The following CNTN5 variants were observed in gnomAD, a reference collection of about 807,000 sequenced individuals.
CNTN5 encodes contactin 5, also known as contactin-5.
Under a neutral mutation model 129.1 loss-of-function variants are expected in CNTN5, and 77 were observed. The ratio of observed to expected loss-of-function variants is 0.60; its 90% CI spans 0.50 to 0.72. CNTN5 has a LOEUF of 0.72. Among genes scored for constraint, CNTN5 ranks in the 30% least tolerant of loss-of-function variants. The pLI is 0.00. For synonymous variants in CNTN5, 509 were observed against 465.6 expected, an observed-to-expected ratio of 1.09 and a Z score of -1.20; for missense variants, 1,478 against 1,328.8, an observed-to-expected ratio of 1.11 and a Z score of -1.75.
intron 9 of CNTN5, among the ~76,000 whole-genome samples, chr11:100,010,226 C>T (rs568901196): frequency 6.6e-6 from 1 of 152,102 alleles, no homozygotes; most frequent in South Asian, 2.1e-4. Context: ...TTAAGTCCAG[C>T]CCATACAAGT....
rs78120035 is a variant in CNTN5, at chr11:100,249,726, C to A, written c.2006-6034C>A. Among the ~76,000 whole-genome samples the A allele has an allele frequency of 5.0e-3, 760 of 152,128 alleles. 8 individuals carry two copies. The highest frequency in any genetic ancestry group is 0.033 in the East Asian group (172 of 5,156). ...TAGCTGAAAAAGCCTTTTAGGAGAA[C>A]CTTTCCTCCCTGATTTATTTTAAAA... On this transcript the variant is annotated intron_variant, in intron 16 of 24. Transcript: ENST00000524871.
intron 1 of CNTN5, among the ~76,000 whole-genome samples, chr11:99,190,212 G>A (rs554621674): frequency 2.0e-5 from 3 of 151,678 alleles, no homozygotes; most frequent in South Asian, 4.2e-4. Flanking sequence ...ATAAACACAT[G>A]GATTTATTTC....
chr11:99,837,898 G>A (rs951520638), intron 4 of CNTN5, among the ~76,000 whole-genome samples: 1 of 151,902 alleles, frequency 6.6e-6, no homozygotes, highest in Admixed American at 6.6e-5. Context: ...CTTCATTTTT[G>A]TTAATTTCTC....
chr11:100,165,180 C>T (rs1334745661), intron 13 of CNTN5, among the ~76,000 whole-genome samples: 1 of 151,668 alleles, frequency 6.6e-6, no homozygotes, highest in East Asian at 1.9e-4. Flanking sequence ...ATAGGAGACT[C>T]AGATTCTCAT....
rs1395481943 is a variant in CNTN5, at chr11:99,033,102, G to A, written c.-210+11832G>A. Among the ~76,000 whole-genome samples, 260 of 139,270 alleles carry A rather than the reference G, an allele frequency of 1.9e-3. 1 individual carries two copies. The highest frequency in any genetic ancestry group is 4.3e-3 in the East Asian group (19 of 4,408). The allele number at this position is 139,270 out of a possible 152,430, so 91.4% of individuals were successfully genotyped here. A position where few individuals can be genotyped will look rare whatever the true frequency, so the allele number is the denominator to read the frequency against. On this transcript the variant is annotated intron_variant, in intron 1 of 24. Coordinates refer to ENST00000524871, the MANE Select transcript of CNTN5 (RefSeq NM_014361.4). ...TAGATATGCGGCGTTATTTCTGAGG[G>A]CTCTGTTCTGTTCCATTGATCTATA...
chr11:99,221,858 T>C (rs1269288430), intron 1 of CNTN5, among the ~76,000 whole-genome samples: 1 of 151,964 alleles, frequency 6.6e-6, no homozygotes, highest in Non-Finnish European at 1.5e-5. Flanking sequence ...TACACATATA[T>C]ACAGCACAAG....
intron 1 of CNTN5, among the ~76,000 whole-genome samples, chr11:99,208,310 CT>C (rs951834481): frequency 1.3e-4 from 20 of 152,020 alleles, no homozygotes; most frequent in African/African-American, 4.8e-4. Flanking sequence ...TTTACAGTGC[CT>C]TTTCTGTGGT....
At chr11:99,662,594 T>C (rs1952635464) in intron 3 of CNTN5, among the ~76,000 whole-genome samples, 1 of 152,212 alleles carries the variant, frequency 6.6e-6, no homozygotes, top group African/African-American at 2.4e-5. Flanking sequence ...AGGAATAGAT[T>C]AAGAATCTGA....
intron 1 of CNTN5, among the ~76,000 whole-genome samples, chr11:99,173,990 CAAAA>C: frequency 7.2e-6 from 1 of 139,790 alleles, no homozygotes; most frequent in African/African-American, 2.7e-5. Context: ...GAAGAAGCGT[CAAAA>C]ATGCCTTTTG....
chr11:100,211,132 C>T (rs1949021721), intron 15 of CNTN5, among the ~76,000 whole-genome samples: 1 of 152,152 alleles, frequency 6.6e-6, no homozygotes, highest in Non-Finnish European at 1.5e-5. Flanking sequence ...ACTGAGGTTT[C>T]ATCTATCATT....
chr11:99,576,330 A>C (rs1949349994), intron 3 of CNTN5, among the ~76,000 whole-genome samples: 1 of 152,198 alleles, frequency 6.6e-6, no homozygotes, highest in South Asian at 2.1e-4. Flanking sequence ...TCTATGGCAG[A>C]GAAAGGGAAA....
At chr11:99,973,034 C>T (rs931270092) in intron 8 of CNTN5, among the ~76,000 whole-genome samples, 2 of 151,542 alleles carry the variant, frequency 1.3e-5, no homozygotes, top group Non-Finnish European at 2.9e-5. Flanking sequence ...CACTTTTATA[C>T]TAGATAGGGT....
intron 7 of CNTN5, among the ~76,000 whole-genome samples, chr11:99,927,222 C>T (rs956076846): frequency 6.6e-6 from 1 of 151,866 alleles, no homozygotes; most frequent in Non-Finnish European, 1.5e-5. Flanking sequence ...TATCTTTATC[C>T]CTGTTTTATA....
chr11:99,753,709 G>C (rs1214322169), intron 3 of CNTN5, among the ~76,000 whole-genome samples: 1 of 109,352 alleles, frequency 9.1e-6, no homozygotes, highest in African/African-American at 3.4e-5. Context: ...TTTTTTTTGA[G>C]ACAGAGTCTC....
At chr11:99,074,234 T>C (rs1477151439) in intron 1 of CNTN5, among the ~76,000 whole-genome samples, 1 of 152,138 alleles carries the variant, frequency 6.6e-6, no homozygotes, top group Non-Finnish European at 1.5e-5. Flanking sequence ...TGTTTTTTTT[T>C]CTTTTAAATT....
intron 3 of CNTN5, among the ~76,000 whole-genome samples, chr11:99,698,640 C>T (rs183135552): frequency 1.9e-3 from 285 of 151,566 alleles, no homozygotes; most frequent in Middle Eastern, 0.01. Context: ...CACATTGTTT[C>T]AGTAATTGCA....
At chr11:99,789,810 G>A (rs1015662706) in intron 3 of CNTN5, among the ~76,000 whole-genome samples, 15 of 151,820 alleles carry the variant, frequency 9.9e-5, no homozygotes, top group Non-Finnish European at 1.3e-4. Flanking sequence ...GGATATATGC[G>A]CAGGTTTGTT....
intron 3 of CNTN5, among the ~76,000 whole-genome samples, chr11:99,749,250 C>G (rs138489679): frequency 2.6e-4 from 40 of 151,996 alleles, no homozygotes; most frequent in African/African-American, 8.4e-4. Context: ...GATTCTCAAC[C>G]TATATTCAGA....
At chr11:100,249,037 T>C (rs973837887) in intron 16 of CNTN5, among the ~76,000 whole-genome samples, 6 of 152,198 alleles carry the variant, frequency 3.9e-5, no homozygotes, top group African/African-American at 1.4e-4. Context: ...TTTTCCACTT[T>C]CAAGTACTAC....
Sources: gnomAD v4.1 joint callset for allele counts (sites outside exome capture counted in the v4.1 genomes callset) on GRCh38, gnomAD v4.1.1 for gene constraint, MANE v1.5 for transcripts, NCBI Gene and HGNC (gene_info 2026-07-23, HGNC 2026-07-21) for gene names.